The following PCNX1 variants were observed in gnomAD, a reference collection of about 807,000 sequenced individuals.
PCNX1 encodes pecanex-like protein 1.
PCNX1 carries 78 observed loss-of-function variants against 242.2 expected under a neutral mutation model. That is an observed-to-expected ratio of 0.32 (90% CI 0.27 to 0.39). The LOEUF (loss-of-function observed/expected upper bound fraction) is 0.39. Among genes scored for constraint, PCNX1 ranks in the 10% least tolerant of loss-of-function variants. The pLI is 1.00. For synonymous variants in PCNX1, 1,024 were observed against 1,032.9 expected (o/e 0.99, Z 0.17); for missense variants, 2,581 against 2,856.5 (o/e 0.90, Z 2.20).
rs1299548013 is a variant in PCNX1 at position 71,108,751 on chromosome 14, G to C, written c.6449G>C (p.Arg2150Pro). The C allele has an allele frequency of 1.9e-6, 3 of 1,614,068 alleles. No homozygotes were observed. In the African/African-American group the frequency reaches 4.0e-5, roughly 22 times the overall value. ...ACCACTGGGTTTGTGCCTTGTCGGCGCTCTTCTACTAGTCAGATATCGCTT... is the reference window on the plus strand; with the variant it reads ...ACCACTGGGTTTGTGCCTTGTCGGCCCTCTTCTACTAGTCAGATATCGCTT... ...MSTTGFVPCR[R>P]SSTSQISLRN... Residue 2150 changes from arginine to proline, a missense_variant, in exon 34 of 36, where the codon CGC (arginine) becomes CCC (proline). Around this residue, in one of 9 missense-constraint regions of PCNX1, gnomAD observed 432 missense variants for 433.6 expected, o/e 1.00. Coordinates refer to ENST00000304743, the MANE Select transcript of PCNX1 (RefSeq NM_014982.3).
rs914683301 is a variant in PCNX1 at position 70,927,667 on chromosome 14, G to T, written c.154-19248G>T. 1.3e-4 allele frequency among the ~76,000 whole-genome samples: 19 copies of T among 151,862 alleles called. No homozygotes were observed. The East Asian group carries it at 3.5e-3, about 28-fold the overall frequency. ...TGCAGTGGTGCGATCTTGGCTCACT[G>T]CAACCTCTGCCTCCCAGGTTCAAGC... On this transcript the variant is annotated intron_variant, in intron 1 of 35. Coordinates refer to ENST00000304743, the MANE Select transcript of PCNX1 (RefSeq NM_014982.3).
intron 8 of PCNX1, among the ~76,000 whole-genome samples, chr14:71,002,764 G>A (rs2059541452): frequency 6.6e-6 from 1 of 152,132 alleles, no homozygotes; most frequent in African/African-American, 2.4e-5. Context: ...TTCACCTGGC[G>A]ATGGTTGTGT....
intron 28 of PCNX1, 84 bp downstream of exon 28, chr14:71,076,503 A>G (rs1320912138): frequency 1.2e-6 from 1 of 823,414 alleles, no homozygotes; most frequent in Non-Finnish European, 2.0e-6. Flanking sequence ...TTATGAGGTC[A>G]GTTTTTCAAG....
At chr14:70,975,230 A>G (rs889988297) in intron 5 of PCNX1, among the ~76,000 whole-genome samples, 4 of 152,182 alleles carry the variant, frequency 2.6e-5, no homozygotes, top group African/African-American at 9.7e-5. Flanking sequence ...TTTTAGAAAT[A>G]ACATTATAAT....
At chr14:71,077,790 A>G (rs2061755376) in intron 28 of PCNX1, among the ~76,000 whole-genome samples, 1 of 152,206 alleles carries the variant, frequency 6.6e-6, no homozygotes. Context: ...CACTTAAAAT[A>G]CTTCGCGTAC....
chr14:70,935,519 G>C (rs1308391668), intron 1 of PCNX1, among the ~76,000 whole-genome samples: 1 of 152,174 alleles, frequency 6.6e-6, no homozygotes, highest in Non-Finnish European at 1.5e-5. Flanking sequence ...AAGCATTCAT[G>C]ATCTTTGACT....
chr14:70,993,559 T>A (rs370018488), intron 7 of PCNX1, among the ~76,000 whole-genome samples: 1 of 152,218 alleles, frequency 6.6e-6, no homozygotes, highest in African/African-American at 2.4e-5. Context: ...TTGTCTAATA[T>A]CTTAAAAACC....
intron 26 of PCNX1, among the ~76,000 whole-genome samples, chr14:71,066,811 AGCATGAAGGGCTGTT>A (rs981659665): frequency 3.3e-5 from 5 of 152,176 alleles, no homozygotes; most frequent in African/African-American, 1.2e-4. Context: ...GAGAGGTTTT[AGCATGAAGGGCTGTT>A]GAATTTTATT....
At chr14:70,981,155 A>G (rs968787471) in intron 6 of PCNX1, among the ~76,000 whole-genome samples, 3 of 152,160 alleles carry the variant, frequency 2.0e-5, no homozygotes, top group Admixed American at 6.5e-5. Context: ...TATAGTATCT[A>G]TCTCATAGGG....
chr14:71,045,100 T>C, intron 19 of PCNX1, 33 bp from the exon 20 acceptor site: 1 of 1,472,456 alleles, frequency 6.8e-7, no homozygotes, highest in Non-Finnish European at 9.2e-7. Flanking sequence ...TCAAAATCAC[T>C]CCTAATTTTA....
At chr14:71,056,867 C>T (rs924278047) in intron 25 of PCNX1, among the ~76,000 whole-genome samples, 1 of 151,842 alleles carries the variant, frequency 6.6e-6, no homozygotes, top group Non-Finnish European at 1.5e-5. Flanking sequence ...TTAGTAGTGA[C>T]AGGGTTTTGC....
At chr14:70,995,709 G>C in intron 7 of PCNX1, 32 bp from the exon 8 acceptor site, 1 of 1,595,134 alleles carries the variant, frequency 6.3e-7, no homozygotes, top group Non-Finnish European at 8.6e-7. Flanking sequence ...TTTCTTCCCT[G>C]TAATGTCTCC....
In PCNX1 at chr14:70,947,656, G is replaced by A. The variant is rs117425043; in HGVS notation, c.362+533G>A. 9.1e-3 allele frequency among the ~76,000 whole-genome samples: 1,386 copies of A among 152,144 alleles called. 10 individuals carry two copies. The highest frequency in any genetic ancestry group is 0.012 in the Non-Finnish European group (844 of 68,008). Reference sequence around the variant, plus strand: ...CGTCTCAGGATCCTGTGATGATTGCGTTGTCTGTATAAATTGTTTGTAGAG... The same window carrying A: ...CGTCTCAGGATCCTGTGATGATTGCATTGTCTGTATAAATTGTTTGTAGAG... On this transcript the variant is annotated intron_variant, in intron 2 of 35. Transcript: ENST00000304743.
intron 5 of PCNX1, among the ~76,000 whole-genome samples, chr14:70,971,782 C>T (rs1288646365): frequency 6.6e-6 from 1 of 152,148 alleles, no homozygotes; most frequent in African/African-American, 2.4e-5. Flanking sequence ...GAGGGGCCCC[C>T]TCCACGCAGA....
At chr14:70,963,917 G>C (rs1036944692) in intron 3 of PCNX1, among the ~76,000 whole-genome samples, 1 of 152,034 alleles carries the variant, frequency 6.6e-6, no homozygotes, top group East Asian at 1.9e-4. Flanking sequence ...CGGCTCATTC[G>C]GACTGATCTA....
At position 71,091,741 on chromosome 14, in the gene PCNX1, TAAAC is replaced by T. The variant is rs776785139; in HGVS notation, c.5589+2407_5589+2410del. Among the ~76,000 whole-genome samples the T allele has an allele frequency of 2.5e-4, 38 of 152,330 alleles. 1 individual carries two copies. Among genetic ancestry groups the T allele is most frequent in the Middle Eastern group, 6.8e-3 (2 of 294 alleles). ...GCAACATCTGCAGTTGAAAGAAATG[TAAAC>T]AAACAAAGATGCAGTATTAAATCAT... On this transcript the variant is annotated intron_variant, in intron 30 of 35. Transcript: ENST00000304743.
At chr14:71,004,683 T>G (rs1043911735) in intron 8 of PCNX1, among the ~76,000 whole-genome samples, 2 of 152,156 alleles carry the variant, frequency 1.3e-5, no homozygotes, top group African/African-American at 4.8e-5. Flanking sequence ...GAGTAATTTC[T>G]GTGTGGGTAA....
intron 1 of PCNX1, among the ~76,000 whole-genome samples, chr14:70,909,268 TAA>T (rs11372712): frequency 1.3e-5 from 2 of 149,646 alleles, no homozygotes; most frequent in African/African-American, 4.9e-5. Flanking sequence ...TGTTTGAGGT[TAA>T]AAAAAAAAGC....
intron 5 of PCNX1, among the ~76,000 whole-genome samples, chr14:70,974,618 T>A (rs956249376): frequency 5.9e-5 from 9 of 152,224 alleles, no homozygotes; most frequent in Non-Finnish European, 1.3e-4. Context: ...GCTAAAAACC[T>A]TGTACGCATA....
Sources: gnomAD v4.1 joint callset for allele counts (sites outside exome capture counted in the v4.1 genomes callset) on GRCh38, gnomAD v4.1.1 for gene constraint, gnomAD v4.1.1 regional missense constraint, MANE v1.5 for transcripts, NCBI Gene and HGNC (gene_info 2026-07-23, HGNC 2026-07-21) for gene names.